GABRB1: variants seen among roughly 807,000 people sequenced by gnomAD.
The protein encoded by GABRB1 is gamma-aminobutyric acid type A receptor subunit beta1, also known as gamma-aminobutyric acid receptor subunit beta-1.
Under a neutral mutation model 51.6 loss-of-function variants are expected in GABRB1, and 17 were observed. The ratio of observed to expected loss-of-function variants is 0.33; its 90% CI spans 0.23 to 0.49. The LOEUF is 0.49. Among genes scored for constraint, GABRB1 ranks in the 20% least tolerant of loss-of-function variants. The pLI is 0.99. For synonymous variants in GABRB1, 247 were observed against 218.9 expected, an observed-to-expected ratio of 1.13 and a Z score of -1.14; for missense variants, 410 against 600.6, an observed-to-expected ratio of 0.68 and a Z score of 3.32.
At chr4:47,085,081 C>T (rs114291203) in intron 3 of GABRB1, among the ~76,000 whole-genome samples, 5 of 152,280 alleles carry the variant, frequency 3.3e-5, no homozygotes, top group Non-Finnish European at 7.3e-5. Flanking sequence ...ATCACTAACT[C>T]ATTATATGAT....
At chr4:47,013,847 C>T (rs942389173) in intron 1 of GABRB1, among the ~76,000 whole-genome samples, 4 of 152,112 alleles carry the variant, frequency 2.6e-5, no homozygotes, top group Non-Finnish European at 4.4e-5. Context: ...AAATTTATTA[C>T]TTTTATGTGG....
intron 4 of GABRB1, among the ~76,000 whole-genome samples, chr4:47,212,596 T>C (rs1578005463): frequency 2.0e-5 from 3 of 152,106 alleles, no homozygotes; most frequent in Admixed American, 1.3e-4. Flanking sequence ...TGGGAATTGC[T>C]TGGGCCTGGT....
At chr4:47,391,710 A>T (rs959924692) in intron 5 of GABRB1, among the ~76,000 whole-genome samples, 13 of 152,240 alleles carry the variant, frequency 8.5e-5, no homozygotes, top group Non-Finnish European at 1.5e-5. Context: ...GCTCAAGAAT[A>T]TACCAAATAG....
chr4:47,307,444 AT>A, intron 4 of GABRB1, among the ~76,000 whole-genome samples: 1 of 151,902 alleles, frequency 6.6e-6, no homozygotes, highest in Non-Finnish European at 1.5e-5. Context: ...TCCCCTTCCT[AT>A]TTTTGTCTTT....
chr4:47,076,647 AAAAACAAAAC>A (rs200916587), intron 3 of GABRB1, among the ~76,000 whole-genome samples: 5 of 150,776 alleles, frequency 3.3e-5, no homozygotes, highest in African/African-American at 5.0e-5. Context: ...GATTACATGG[AAAAACAAAAC>A]AAAACAAAAC....
At chr4:47,001,300 G>A (rs6447523) in intron 1 of GABRB1, among the ~76,000 whole-genome samples, 42,761 of 151,462 alleles carry the variant, frequency 0.28, 6,253 homozygotes, top group East Asian at 0.41. Flanking sequence ...CCCCCACCAC[G>A]CCCAGCTAAT....
intron 3 of GABRB1, among the ~76,000 whole-genome samples, chr4:47,144,011 G>C (rs964245649): frequency 6.6e-6 from 1 of 151,852 alleles, no homozygotes; most frequent in African/African-American, 2.4e-5. Context: ...TTTCATTGAT[G>C]GTATTTGATA....
chr4:47,197,619 C>A (rs945220936), intron 4 of GABRB1, among the ~76,000 whole-genome samples: 2 of 152,146 alleles, frequency 1.3e-5, no homozygotes, highest in Non-Finnish European at 2.9e-5. Flanking sequence ...TTATAACATA[C>A]GTTAATATAA....
At chr4:47,342,328 TG>T in intron 5 of GABRB1, among the ~76,000 whole-genome samples, 1 of 152,174 alleles carries the variant, frequency 6.6e-6, no homozygotes, top group Non-Finnish European at 1.5e-5. Flanking sequence ...TGTAATTCAC[TG>T]AAGGAATAGA....
intron 3 of GABRB1, among the ~76,000 whole-genome samples, chr4:47,135,713 C>T (rs1716620216): frequency 6.6e-6 from 1 of 152,136 alleles, no homozygotes; most frequent in Non-Finnish European, 1.5e-5. Context: ...AATCCACTTT[C>T]AGCACTGCTG....
chr4:47,277,570 T>G (rs1723132298), intron 4 of GABRB1, among the ~76,000 whole-genome samples: 1 of 152,130 alleles, frequency 6.6e-6, no homozygotes, highest in Admixed American at 6.6e-5. Context: ...GTCTCCATGA[T>G]GTGTTTATTT....
intron 3 of GABRB1, among the ~76,000 whole-genome samples, chr4:47,114,045 T>C (rs1256097954): frequency 2.0e-5 from 3 of 152,220 alleles, no homozygotes; most frequent in Admixed American, 2.0e-4. Context: ...TAGGGTTGTC[T>C]GACCAAGCTA....
intron 3 of GABRB1, among the ~76,000 whole-genome samples, chr4:47,054,860 C>T (rs369209774): frequency 2.0e-5 from 3 of 152,324 alleles, no homozygotes; most frequent in African/African-American, 7.2e-5. Context: ...GCTGGGATTA[C>T]AGGCGTGAGC....
chr4:47,284,022 C>T (rs989398909), intron 4 of GABRB1, among the ~76,000 whole-genome samples: 1 of 145,618 alleles, frequency 6.9e-6, no homozygotes, highest in Non-Finnish European at 1.5e-5. Flanking sequence ...GGCGTGAACC[C>T]GGGAGGCGGA....
rs1293880238 is a variant in GABRB1 at position 47,201,225 on chromosome 4, C to T, written c.461+39756C>T. On this transcript the variant is annotated intron_variant, in intron 4 of 8. Coordinates refer to ENST00000295454, the MANE Select transcript of GABRB1 (RefSeq NM_000812.4). Reference sequence around the variant, plus strand: ...TTTATATCATATCATTCTATATTTTCGAATGGAATATACCCAACAGCATTT... The same window carrying T: ...TTTATATCATATCATTCTATATTTTTGAATGGAATATACCCAACAGCATTT... Among the ~76,000 whole-genome samples the T allele has an allele frequency of 3.3e-5, 5 of 151,894 alleles. No individual in the cohort carries two copies. The South Asian group carries it at 6.2e-4, about 19-fold the overall frequency.
At chr4:47,244,386 T>C (rs1267748873) in intron 4 of GABRB1, among the ~76,000 whole-genome samples, 4 of 152,084 alleles carry the variant, frequency 2.6e-5, no homozygotes, top group Non-Finnish European at 5.9e-5. Context: ...ATCAGGATGA[T>C]GCTGGCCTCA....
chr4:47,151,726 T>C (rs1717466897), intron 3 of GABRB1, among the ~76,000 whole-genome samples: 1 of 152,074 alleles, frequency 6.6e-6, no homozygotes, highest in African/African-American at 2.4e-5. Context: ...AGAAAATCTA[T>C]TGTGTCATAT....
At chr4:47,071,872 G>A (rs2109547309) in intron 3 of GABRB1, among the ~76,000 whole-genome samples, 1 of 151,790 alleles carries the variant, frequency 6.6e-6, no homozygotes, top group East Asian at 1.9e-4. Context: ...CTATTTTTTA[G>A]CAAAGCATAG....
chr4:47,311,865 G>A (rs970616700), intron 4 of GABRB1, among the ~76,000 whole-genome samples: 4 of 152,072 alleles, frequency 2.6e-5, no homozygotes, highest in African/African-American at 9.7e-5. Context: ...TCCATTATTT[G>A]TGGGAGTCCA....
Sources: gnomAD v4.1 joint callset for allele counts (sites outside exome capture counted in the v4.1 genomes callset) on GRCh38, gnomAD v4.1.1 for gene constraint, MANE v1.5 for transcripts, NCBI Gene and HGNC (gene_info 2026-07-23, HGNC 2026-07-21) for gene names.